RYR2: variants seen among roughly 807,000 people sequenced by gnomAD.
RYR2 encodes the protein ryanodine receptor 2, also known as cardiac muscle ryanodine receptor-calcium release channel.
RYR2 carries 227 observed loss-of-function variants against 601.1 expected under a neutral mutation model. The ratio of observed to expected loss-of-function variants is 0.38; its 90% CI spans 0.34 to 0.42. The LOEUF is 0.42. Ranked by LOEUF, RYR2 falls within the 10% of genes least tolerant of loss-of-function variation. The pLI, the probability that RYR2 is intolerant of heterozygous loss-of-function variation, is 1.00. For missense variants in RYR2, 4,646 were observed against 6,156.5 expected (o/e 0.75, Z 8.21); for synonymous variants, 2,223 against 2,175.1 (o/e 1.02, Z -0.61).
At chr1:237,223,357 A>G (rs1281064772) in intron 1 of RYR2, among the ~76,000 whole-genome samples, 11 of 152,218 alleles carry the variant, frequency 7.2e-5, no homozygotes. Flanking sequence ...ATGAGGGAAG[A>G]ACACTCATGG....
intron 17 of RYR2, among the ~76,000 whole-genome samples, chr1:237,489,073 CA>C (rs1426141421): frequency 1.3e-5 from 2 of 152,114 alleles, no homozygotes; most frequent in Admixed American, 1.3e-4. Flanking sequence ...TATGTAAATG[CA>C]GGTGCATAGA....
intron 56 of RYR2, among the ~76,000 whole-genome samples, chr1:237,661,593 G>T (rs1276602494): frequency 6.6e-6 from 1 of 152,158 alleles, no homozygotes; most frequent in Non-Finnish European, 1.5e-5. Context: ...CAGCTAGTTT[G>T]TCTATAGGGC....
In RYR2 at chr1:237,786,052, A is replaced by G. The variant is rs1321432556; in HGVS notation, c.13328+16A>G. On this transcript the variant is annotated intron_variant, in intron 91 of 104. Transcript: ENST00000366574. ...AAAAAGCCGAGTATGTATAGTTTGC[A>G]TATACTTTTCCTTCGTTTCAGTTTG... is the stretch of plus-strand genomic sequence containing the variant. 4.6e-6 allele frequency: 7 copies of G among 1,524,192 alleles called. No individual in the cohort carries two copies. Among genetic ancestry groups the G allele is most frequent in the Middle Eastern group, 1.7e-4 (1 of 5,896 alleles). The allele number at this position is 1,524,192 out of a possible 1,614,324, so 94.4% of individuals were successfully genotyped here. A position where few individuals can be genotyped will look rare whatever the true frequency, so the allele number is the denominator to read the frequency against.
At chr1:237,459,300 A>G (rs889617180) in intron 16 of RYR2, among the ~76,000 whole-genome samples, 20 of 152,116 alleles carry the variant, frequency 1.3e-4, no homozygotes, top group Non-Finnish European at 2.4e-4. Flanking sequence ...AATAATAAAA[A>G]CTGGCTGGAT....
At chr1:237,219,526 C>T (rs1683569229) in intron 1 of RYR2, among the ~76,000 whole-genome samples, 1 of 152,136 alleles carries the variant, frequency 6.6e-6, no homozygotes, top group Non-Finnish European at 1.5e-5. Flanking sequence ...GGTCAAATGC[C>T]TGTTCCTGAA....
intron 1 of RYR2, among the ~76,000 whole-genome samples, chr1:237,239,250 A>G (rs1051366861): frequency 1.3e-5 from 2 of 152,096 alleles, no homozygotes; most frequent in Admixed American, 6.6e-5. Context: ...TTGTTGCCTC[A>G]CACCAAGGCA....
intron 1 of RYR2, among the ~76,000 whole-genome samples, chr1:237,141,243 G>A (rs1673357970): frequency 6.6e-6 from 1 of 152,186 alleles, no homozygotes; most frequent in Non-Finnish European, 1.5e-5. Context: ...CTGACTTCAA[G>A]AGGGATTTCT....
At position 237,614,718 on chromosome 1, in the gene RYR2, C is replaced by A. The variant is rs1202498329; in HGVS notation, c.5590C>A (p.Leu1864Met). The change falls in exon 37 of 105, where the codon CTG (leucine) becomes ATG (methionine). Residue 1864 changes from leucine to methionine, a missense_variant. Physicochemically the swap from Leu to Met is conservative, Grantham distance 15 (BLOSUM62 2). Transcript: ENST00000366574. This position sits in a 1 kb window ranked among gnomAD's most constrained non-coding sequence, Gnocchi z 4.3. ...AATPEEESDTLEKELSVDDAK... is the reference protein window; with the variant it reads ...AATPEEESDTMEKELSVDDAK... ...CACTCCGGAGGAGGAGAGTGACACG[C>A]TGGAGAAAGAGCTCAGTGTGGACGA... 1.9e-6 allele frequency: 3 copies of A among 1,613,876 alleles called. No homozygotes were observed. Among genetic ancestry groups the A allele is most frequent in the Non-Finnish European group, 2.5e-6 (3 of 1,179,900 alleles).
intron 101 of RYR2, among the ~76,000 whole-genome samples, chr1:237,827,815 T>C (rs1434626151): frequency 6.6e-6 from 1 of 151,258 alleles, no homozygotes; most frequent in East Asian, 1.9e-4. Flanking sequence ...TGTGTGCCTG[T>C]AGTCCCAGCT....
chr1:237,404,464 C>T (rs1703677717), intron 10 of RYR2, among the ~76,000 whole-genome samples: 1 of 151,978 alleles, frequency 6.6e-6, no homozygotes, highest in Non-Finnish European at 1.5e-5. Context: ...AAGGAGAAAC[C>T]ATAAAAATAT....
intron 14 of RYR2, among the ~76,000 whole-genome samples, chr1:237,453,619 G>A (rs1023984946): frequency 3.3e-5 from 5 of 152,034 alleles, no homozygotes; most frequent in African/African-American, 1.2e-4. Context: ...CTACAGTAGA[G>A]ATGTTGTCCC....
At chr1:237,615,752 T>TA in intron 37 of RYR2, among the ~76,000 whole-genome samples, 1 of 152,176 alleles carries the variant, frequency 6.6e-6, no homozygotes. Context: ...ATTTATGCAT[T>TA]AAAAAATCTT....
intron 4 of RYR2, among the ~76,000 whole-genome samples, chr1:237,363,705 CA>C (rs1176662366): frequency 6.6e-6 from 1 of 151,988 alleles, no homozygotes; most frequent in East Asian, 1.9e-4. Flanking sequence ...TTTGCATATG[CA>C]CACACATACG....
intron 24 of RYR2, among the ~76,000 whole-genome samples, chr1:237,525,695 C>A (rs2147897011): frequency 6.6e-6 from 1 of 152,078 alleles, no homozygotes; most frequent in Non-Finnish European, 1.5e-5. Context: ...ATAATGATTT[C>A]TTGGACAGAT....
At chr1:237,444,538 G>A (rs1319302745) in intron 13 of RYR2, among the ~76,000 whole-genome samples, 1 of 152,140 alleles carries the variant, frequency 6.6e-6, no homozygotes, top group Non-Finnish European at 1.5e-5. Context: ...ATGAAGATAA[G>A]CACAGATGGG....
intron 96 of RYR2, among the ~76,000 whole-genome samples, chr1:237,797,118 G>C (rs1035964708): frequency 6.6e-6 from 1 of 151,828 alleles, no homozygotes; most frequent in Non-Finnish European, 1.5e-5. Context: ...TCACTCAGGA[G>C]GTATATGAAC....
intron 65 of RYR2, among the ~76,000 whole-genome samples, chr1:237,701,133 T>C (rs1208458809): frequency 6.6e-6 from 1 of 152,244 alleles, no homozygotes; most frequent in African/African-American, 2.4e-5. Flanking sequence ...TCGTGCATTG[T>C]CCATTCCTCA....
At chr1:237,564,396 A>G (rs1403226875) in intron 27 of RYR2, among the ~76,000 whole-genome samples, 1 of 152,012 alleles carries the variant, frequency 6.6e-6, no homozygotes, top group Non-Finnish European at 1.5e-5. Context: ...CAGCCTCCCA[A>G]GTAGCTGGGA....
At position 237,761,800 on chromosome 1, in the gene RYR2, A is replaced by G. The variant is rs1351969707; in HGVS notation, c.11476+772A>G. 2.0e-5 allele frequency among the ~76,000 whole-genome samples: 3 copies of G among 151,932 alleles called. No individual in the cohort carries two copies. The East Asian group carries it at 5.8e-4, about 29-fold the overall frequency. On this transcript the variant is annotated intron_variant, in intron 84 of 104. Transcript: ENST00000366574. The stretch of plus-strand genomic sequence containing the variant: ...AAACTAGTTTTACTCAGGGCCCCGT[A>G]TGTTTATCTGTTTTTGTTTGTTTTG...
Sources: gnomAD v4.1 joint callset for allele counts (sites outside exome capture counted in the v4.1 genomes callset) on GRCh38, gnomAD v4.1.1 for gene constraint, Gnocchi (gnomAD v3.1) non-coding constraint, MANE v1.5 for transcripts, NCBI Gene and HGNC (gene_info 2026-07-23, HGNC 2026-07-21) for gene names.